DCAF8L2: variants seen among roughly 807,000 people sequenced by gnomAD.
DCAF8L2 encodes DDB1- and CUL4-associated factor 8-like protein 2.
For missense variants in DCAF8L2, 430 were observed against 490.7 expected, an observed-to-expected ratio of 0.88 and a Z score of 1.17; for synonymous variants, 200 against 190.9, an observed-to-expected ratio of 1.05 and a Z score of -0.39.
intron 3 of DCAF8L2, among the ~76,000 whole-genome samples, chrX:27,693,317 TA>T (rs1930777604): frequency 9.0e-6 from 1 of 111,257 alleles, no homozygotes; most frequent in Non-Finnish European, 1.9e-5. Flanking sequence ...AGTGCATATC[TA>T]TGAGTTTCTG....
At chrX:27,660,658 G>A (rs1219185710) in intron 2 of DCAF8L2, among the ~76,000 whole-genome samples, 1 of 112,193 alleles carries the variant, frequency 8.9e-6, no homozygotes, top group Non-Finnish European at 1.9e-5. Flanking sequence ...TGGTGATGGA[G>A]GGATTGGGCC....
intron 2 of DCAF8L2, among the ~76,000 whole-genome samples, chrX:27,653,424 A>G (rs752312895): frequency 2.8e-4 from 31 of 111,339 alleles, no homozygotes; most frequent in African/African-American, 9.8e-4. Flanking sequence ...TAAATTATGT[A>G]GTGATCACCT....
At chrX:27,736,276 A>G (rs769381314) in intron 4 of DCAF8L2, among the ~76,000 whole-genome samples, 1 of 111,746 alleles carries the variant, frequency 8.9e-6, no homozygotes, top group African/African-American at 3.3e-5. Context: ...TGAATTCAGT[A>G]CATCTCTTGA....
chrX:27,636,305 T>G (rs1366173661), intron 2 of DCAF8L2, among the ~76,000 whole-genome samples: 2 of 112,079 alleles, frequency 1.8e-5, no homozygotes, highest in African/African-American at 6.5e-5. Context: ...TCTAAAGCAT[T>G]TATTTTATAA....
chrX:27,711,909 T>C (rs1931546845), intron 3 of DCAF8L2, among the ~76,000 whole-genome samples: 1 of 111,256 alleles, frequency 9.0e-6, no homozygotes, highest in Non-Finnish European at 1.9e-5. Context: ...ATTTATTTCT[T>C]CTTGAGTGAG....
the DCAF8L2 span, among the ~76,000 whole-genome samples, chrX:27,498,314 T>A: frequency 8.9e-6 from 1 of 112,365 alleles, no homozygotes; most frequent in African/African-American, 3.2e-5. Flanking sequence ...GGCTTCCAAT[T>A]TCTCCACATC....
At chrX:27,628,133 C>T (rs951146566) in intron 1 of DCAF8L2, among the ~76,000 whole-genome samples, 1 of 111,286 alleles carries the variant, frequency 9.0e-6, no homozygotes, top group African/African-American at 3.3e-5. Flanking sequence ...GTATACTTTT[C>T]CTTCCATGAA....
At chrX:27,621,332 T>C (rs1169471530) in intron 1 of DCAF8L2, among the ~76,000 whole-genome samples, 2 of 110,175 alleles carry the variant, frequency 1.8e-5, no homozygotes, top group Admixed American at 9.6e-5. Context: ...TTACTTTGTC[T>C]ATACCAATAA....
At chrX:27,736,841 T>A (rs1036513584) in intron 4 of DCAF8L2, among the ~76,000 whole-genome samples, 3 of 95,320 alleles carry the variant, frequency 3.1e-5, no homozygotes, top group Admixed American at 3.1e-4. Flanking sequence ...GCCTAAAATA[T>A]TTTTTTTTCC....
the DCAF8L2 span, among the ~76,000 whole-genome samples, chrX:27,507,095 G>A: frequency 0.53 from 58,083 of 110,048 alleles, 12,635 homozygotes; most frequent in South Asian, 0.77. Flanking sequence ...ACACTTTTCT[G>A]TAACGTAATT....
intron 2 of DCAF8L2, among the ~76,000 whole-genome samples, chrX:27,653,356 T>C (rs1353855325): frequency 9.0e-6 from 1 of 111,419 alleles, no homozygotes; most frequent in Non-Finnish European, 1.9e-5. Context: ...GGCTCTAAAT[T>C]ACCATGCCCC....
the DCAF8L2 span, among the ~76,000 whole-genome samples, chrX:27,572,162 C>T: frequency 8.9e-6 from 1 of 112,002 alleles, no homozygotes; most frequent in Admixed American, 9.5e-5. Flanking sequence ...ATTCCTTTAA[C>T]CTGTAAGTGT....
chrX:27,555,657 C>G, the DCAF8L2 span, among the ~76,000 whole-genome samples: 1 of 112,077 alleles, frequency 8.9e-6, no homozygotes, highest in African/African-American at 3.2e-5. Flanking sequence ...GTAAGGATTT[C>G]TCTTTTGCAG....
the DCAF8L2 span, among the ~76,000 whole-genome samples, chrX:27,528,950 T>A: frequency 8.9e-6 from 1 of 111,838 alleles, no homozygotes; most frequent in Non-Finnish European, 1.9e-5. Flanking sequence ...TTCACTTTCC[T>A]GCCCTATGAT....
chrX:27,651,889 G>A (rs750366804), intron 2 of DCAF8L2, among the ~76,000 whole-genome samples: 2 of 110,299 alleles, frequency 1.8e-5, no homozygotes, highest in Admixed American at 9.7e-5. Flanking sequence ...CTCATGTTCT[G>A]AGATGAAGAT....
chrX:27,748,492 C>G lies in DCAF8L2; in HGVS notation c.1597C>G (p.Leu533Val). ...CCTACCTGTGTTGGCGTGCAGTGGC[C>G]TAGATCATGATGTCAAGATCTGGAC... ...PYLPVLACSGLDHDVKIWTPT... is the reference protein window; with the variant it reads ...PYLPVLACSGVDHDVKIWTPT... Residue 533 changes from leucine to valine, a missense_variant, in exon 5 of 5, where the codon CTA becomes GTA. Transcript: ENST00000451261. 2 of 1,210,860 alleles carry G rather than the reference C, an allele frequency of 1.7e-6. No homozygotes were observed. Among genetic ancestry groups the G allele is most frequent in the South Asian group, 3.5e-5 (2 of 56,826 alleles).
the DCAF8L2 span, among the ~76,000 whole-genome samples, chrX:27,533,138 GGAA>G: frequency 0.026 from 1,494 of 57,383 alleles, 113 homozygotes; most frequent in African/African-American, 0.088. Flanking sequence ...AAGGAAGGAA[GGAA>G]GAAAGAGAGA....
intron 4 of DCAF8L2, among the ~76,000 whole-genome samples, chrX:27,738,894 C>G (rs1442500626): frequency 9.0e-6 from 1 of 111,255 alleles, no homozygotes; most frequent in Non-Finnish European, 1.9e-5. Flanking sequence ...TGTGCATATT[C>G]TTTCACCACC....
At chrX:27,511,256 A>G in the DCAF8L2 span, among the ~76,000 whole-genome samples, 1 of 111,181 alleles carries the variant, frequency 9.0e-6, no homozygotes, top group African/African-American at 3.3e-5. Context: ...TAGGCAATTT[A>G]ACCACCTTAA....
Sources: gnomAD v4.1 joint callset for allele counts (sites outside exome capture counted in the v4.1 genomes callset) on GRCh38, gnomAD v4.1.1 for gene constraint, MANE v1.5 for transcripts, NCBI Gene and HGNC (gene_info 2026-07-23, HGNC 2026-07-21) for gene names.